The following SDK1 variants were observed in gnomAD, a reference collection of about 807,000 sequenced individuals.
SDK1 encodes the protein protein sidekick-1.
In SDK1, 157 loss-of-function variants were observed where a neutral mutation model predicts 245.5. The ratio of observed to expected loss-of-function variants is 0.64; its 90% confidence interval spans 0.56 to 0.73. The LOEUF (loss-of-function observed/expected upper bound fraction) is 0.73. SDK1 is among the 30% of genes least tolerant of loss of function. The probability of loss-of-function intolerance (pLI) is 0.00; values close to 1 mark genes in which losing one functional copy is unlikely to be tolerated. For missense variants in SDK1, 3,583 were observed against 3,002.3 expected, an observed-to-expected ratio of 1.19 and a Z score of -4.52; for synonymous variants, 1,647 against 1,278.5, an observed-to-expected ratio of 1.29 and a Z score of -6.15.
At chr7:3,321,791 TCC>T (rs1779817147) in intron 1 of SDK1, among the ~76,000 whole-genome samples, 1 of 87,620 alleles carries the variant, frequency 1.1e-5, no homozygotes, top group Non-Finnish European at 2.2e-5. Flanking sequence ...CTTCCTTCCT[TCC>T]TTCCTTCCTT....
chr7:4,103,494 A>ATTATATTATATATATATAT (rs1782707990), intron 22 of SDK1, among the ~76,000 whole-genome samples: 1 of 152,248 alleles, frequency 6.6e-6, no homozygotes, highest in African/African-American at 2.4e-5. Context: ...CTCTCCAGAC[A>ATTATATTATATATATATAT]AAAATGTAAA....
chr7:4,180,261 G>A (rs1263366175), intron 35 of SDK1, among the ~76,000 whole-genome samples: 1 of 149,636 alleles, frequency 6.7e-6, no homozygotes, highest in African/African-American at 2.5e-5. Context: ...CCCGGCTCCA[G>A]CTCTATGCCC....
At chr7:3,451,597 C>T (rs915357820) in intron 1 of SDK1, among the ~76,000 whole-genome samples, 1 of 152,102 alleles carries the variant, frequency 6.6e-6, no homozygotes. Context: ...TTATCTTTCA[C>T]TATGTGAGAT....
chr7:4,111,690 T>C (rs891725755), intron 23 of SDK1, among the ~76,000 whole-genome samples: 2 of 152,208 alleles, frequency 1.3e-5, no homozygotes, highest in African/African-American at 4.8e-5. Flanking sequence ...TGAAATTAAC[T>C]GAAGCTATAT....
At position 3,663,083 on chromosome 7, in the gene SDK1, G is replaced by A. The variant is rs534100688; in HGVS notation, c.713+20978G>A. ...ATTTGATCTCATTTTGGACTTTGAAGGAGTGCATAATTAGATTATTTTGTT... is the reference window on the plus strand; with the variant it reads ...ATTTGATCTCATTTTGGACTTTGAAAGAGTGCATAATTAGATTATTTTGTT... On this transcript the variant is annotated intron_variant, in intron 4 of 44. Transcript: ENST00000404826. Among the ~76,000 whole-genome samples, 7 of 152,264 alleles carry A rather than the reference G, an allele frequency of 4.6e-5. No homozygotes were observed. The East Asian group carries it at 1.3e-3, about 29-fold the overall frequency.
intron 1 of SDK1, among the ~76,000 whole-genome samples, chr7:3,371,884 C>A (rs1406049355): frequency 6.6e-6 from 1 of 152,164 alleles, no homozygotes; most frequent in Non-Finnish European, 1.5e-5. Flanking sequence ...ACAGAGGTTT[C>A]TACTTAGATC....
At chr7:3,700,256 G>A (rs536154840) in intron 4 of SDK1, among the ~76,000 whole-genome samples, 115 of 152,158 alleles carry the variant, frequency 7.6e-4, no homozygotes, top group African/African-American at 2.7e-3. Context: ...AGTTATCTTG[G>A]GACATCAAGA....
intron 1 of SDK1, among the ~76,000 whole-genome samples, chr7:3,573,816 C>A (rs947978456): frequency 2.0e-5 from 3 of 151,736 alleles, no homozygotes; most frequent in African/African-American, 7.3e-5. Context: ...CCTTGAAGCC[C>A]CCTGCTGTTC....
At chr7:4,133,365 G>C (rs1012917792) in intron 28 of SDK1, among the ~76,000 whole-genome samples, 2 of 152,204 alleles carry the variant, frequency 1.3e-5, no homozygotes, top group Non-Finnish European at 2.9e-5. Flanking sequence ...TGCAGGTGTC[G>C]TATGTACAGT....
intron 1 of SDK1, among the ~76,000 whole-genome samples, chr7:3,466,928 TC>T (rs1251127474): frequency 6.6e-6 from 1 of 151,578 alleles, no homozygotes; most frequent in Non-Finnish European, 1.5e-5. Context: ...CAATTCTTTT[TC>T]CTTAGTATTT....
In SDK1 at chr7:4,232,318, C is replaced by A. The variant is rs193059966; in HGVS notation, c.5828-937C>A. On this transcript the variant is annotated intron_variant, in intron 40 of 44. Transcript: ENST00000404826. ...GAGGCTGTCTAGCTCCAGGCTCCAG[C>A]ACCCCTTTCAGCCCTGATGCTATAG... 3.2e-4 allele frequency among the ~76,000 whole-genome samples: 48 copies of A among 150,866 alleles called. 1 individual carries two copies. In the East Asian group the frequency reaches 7.4e-3, roughly 23 times the overall value.
intron 22 of SDK1, among the ~76,000 whole-genome samples, chr7:4,089,642 C>G (rs780395354): frequency 9.2e-5 from 14 of 152,208 alleles, no homozygotes; most frequent in Non-Finnish European, 1.8e-4. Context: ...ACGTGGAGCC[C>G]ACGTGTGGGT....
At chr7:4,182,877 C>T (rs1332658592) in intron 35 of SDK1, among the ~76,000 whole-genome samples, 1 of 152,220 alleles carries the variant, frequency 6.6e-6, no homozygotes, top group Non-Finnish European at 1.5e-5. Context: ...AACCGCCCAG[C>T]AGGCTCCTCC....
intron 1 of SDK1, among the ~76,000 whole-genome samples, chr7:3,416,463 CTTT>C (rs5881982): frequency 3.0e-4 from 40 of 132,344 alleles, no homozygotes; most frequent in Non-Finnish European, 3.3e-4. Flanking sequence ...GGCTTTCGTT[CTTT>C]TTTTTTTTTT....
intron 22 of SDK1, among the ~76,000 whole-genome samples, chr7:4,106,030 G>A (rs532419975): frequency 1.1e-4 from 17 of 152,312 alleles, no homozygotes; most frequent in Admixed American, 3.3e-4. Flanking sequence ...GGCACTGGGC[G>A]GGAAGGGCAG....
intron 1 of SDK1, among the ~76,000 whole-genome samples, chr7:3,430,006 C>A (rs989829819): frequency 6.6e-6 from 1 of 152,214 alleles, no homozygotes. Context: ...AAAATACATG[C>A]AGTCACTGTG....
At chr7:3,801,924 A>T (rs1170896203) in intron 4 of SDK1, among the ~76,000 whole-genome samples, 1 of 152,222 alleles carries the variant, frequency 6.6e-6, no homozygotes, top group East Asian at 1.9e-4. Flanking sequence ...CTGGAGGATG[A>T]AACAGCTTGT....
chr7:3,651,990 A>G (rs1405457250), intron 4 of SDK1, among the ~76,000 whole-genome samples: 1 of 152,212 alleles, frequency 6.6e-6, no homozygotes, highest in Non-Finnish European at 1.5e-5. Flanking sequence ...TTGCTGAAGG[A>G]TCTATGAATG....
At chr7:3,801,674 T>A (rs1267884122) in intron 4 of SDK1, among the ~76,000 whole-genome samples, 1 of 152,186 alleles carries the variant, frequency 6.6e-6, no homozygotes, top group Admixed American at 6.5e-5. Context: ...TTCTAGATGC[T>A]GTGGCTGCTC....
Sources: gnomAD v4.1 joint callset for allele counts (sites outside exome capture counted in the v4.1 genomes callset) on GRCh38, gnomAD v4.1.1 for gene constraint, MANE v1.5 for transcripts, NCBI Gene and HGNC (gene_info 2026-07-23, HGNC 2026-07-21) for gene names.